The following USP46 variants were observed in gnomAD, a reference collection of about 807,000 sequenced individuals.
The protein encoded by USP46 is ubiquitin specific peptidase 46.
In USP46, 12 loss-of-function variants were observed where a neutral mutation model predicts 44.4. That is an observed-to-expected ratio of 0.27 (90% CI 0.17 to 0.44). The LOEUF is 0.44. USP46 is among the 20% of genes least tolerant of loss of function. The probability of loss-of-function intolerance (pLI) is 1.00; values close to 1 mark genes in which losing one functional copy is unlikely to be tolerated. For missense variants in USP46, 248 were observed against 444.8 expected, an observed-to-expected ratio of 0.56 and a Z score of 3.98; for synonymous variants, 155 against 161.5, an observed-to-expected ratio of 0.96 and a Z score of 0.31.
chr4:52,623,750 A>G (rs1717469795), intron 4 of USP46, among the ~76,000 whole-genome samples: 1 of 152,062 alleles, frequency 6.6e-6, no homozygotes, highest in Admixed American at 6.6e-5. Flanking sequence ...ACATGGTGAA[A>G]TCCCATCTCT....
At position 52,594,736 on chromosome 4, in the gene USP46, T is replaced by C. The variant is rs545166307; in HGVS notation, c.*2904A>G. ...AATTAAGGGTATCCATGAAAATAAA[T>C]GCATAGGGATCATTTCTGACATTTT... On this transcript the variant is annotated 3_prime_UTR_variant, in exon 9 of 9. Transcript: ENST00000441222. 6.6e-6 allele frequency: 1 copy of C among 152,290 alleles called. No homozygotes were observed. Among genetic ancestry groups the C allele is most frequent in the Admixed American group, 6.5e-5 (1 of 15,294 alleles). The allele number at this position is 152,290 out of a possible 1,614,324, so 9.4% of individuals were successfully genotyped here.
chr4:52,636,382 A>T (rs1718115334), intron 1 of USP46, among the ~76,000 whole-genome samples: 1 of 152,184 alleles, frequency 6.6e-6, no homozygotes, highest in Non-Finnish European at 1.5e-5. Flanking sequence ...TCTGACCTCC[A>T]GAACTGTAAG....
At chr4:52,648,817 ACCTTAGAGGGACCT>A (rs1433884796) in intron 1 of USP46, among the ~76,000 whole-genome samples, 1 of 152,220 alleles carries the variant, frequency 6.6e-6, no homozygotes, top group East Asian at 1.9e-4. Flanking sequence ...TGGTAGCTTA[ACCTTAGAGGGACCT>A]ACCTCTAGTT....
At chr4:52,626,308 A>G in intron 3 of USP46, 61 bp from the exon 4 acceptor site, 2 of 1,359,512 alleles carry the variant, frequency 1.5e-6, no homozygotes, top group Non-Finnish European at 2.0e-6. Flanking sequence ...GGATGTAATT[A>G]GTGTTACATG....
intron 1 of USP46, among the ~76,000 whole-genome samples, chr4:52,636,351 C>T (rs1012309448): frequency 6.6e-6 from 1 of 152,070 alleles, no homozygotes; most frequent in Non-Finnish European, 1.5e-5. Flanking sequence ...GATTTTAGCC[C>T]GGTGAGACCC....
intron 4 of USP46, among the ~76,000 whole-genome samples, chr4:52,615,392 A>T (rs1717094535): frequency 1.3e-5 from 2 of 152,340 alleles, no homozygotes; most frequent in South Asian, 4.1e-4. Context: ...AATATCAGAT[A>T]AAATAGGTTT....
At chr4:52,603,123 T>C (rs945391852) in intron 6 of USP46, among the ~76,000 whole-genome samples, 2 of 152,162 alleles carry the variant, frequency 1.3e-5, no homozygotes, top group East Asian at 3.9e-4. Flanking sequence ...AAAACAACAG[T>C]AGAGAAATAA....
chr4:52,630,451 G>C (rs999576652), intron 2 of USP46, among the ~76,000 whole-genome samples: 1 of 152,176 alleles, frequency 6.6e-6, no homozygotes, highest in Non-Finnish European at 1.5e-5. Context: ...GACACAGGCA[G>C]AACATATAAA....
chr4:52,635,921 A>G (rs1020386174), intron 1 of USP46, among the ~76,000 whole-genome samples: 3 of 152,166 alleles, frequency 2.0e-5, no homozygotes, highest in African/African-American at 7.2e-5. Context: ...GTTGAAGTTG[A>G]GTGATGGGTG....
At chr4:52,629,365 G>A (rs1303008680) in intron 2 of USP46, among the ~76,000 whole-genome samples, 1 of 152,090 alleles carries the variant, frequency 6.6e-6, no homozygotes, top group East Asian at 1.9e-4. Context: ...AATAAACACA[G>A]ATCCCACAAA....
At chr4:52,631,520 T>C (rs1200333444) in intron 1 of USP46, among the ~76,000 whole-genome samples, 3 of 152,190 alleles carry the variant, frequency 2.0e-5, no homozygotes, top group Admixed American at 6.5e-5. Flanking sequence ...ATATTACCAC[T>C]ATCAAAGTCA....
At chr4:52,638,394 G>C (rs1227033166) in intron 1 of USP46, among the ~76,000 whole-genome samples, 1 of 152,020 alleles carries the variant, frequency 6.6e-6, no homozygotes, top group South Asian at 2.1e-4. Context: ...AAGGTGTACA[G>C]CCCTGCTGCA....
chr4:52,637,243 G>A (rs1398049657), intron 1 of USP46, among the ~76,000 whole-genome samples: 1 of 152,090 alleles, frequency 6.6e-6, no homozygotes, highest in Non-Finnish European at 1.5e-5. Context: ...ACTTTTAGGT[G>A]GCTGGCTTTT....
At chr4:52,625,736 A>G (rs1717555769) in intron 4 of USP46, among the ~76,000 whole-genome samples, 1 of 152,052 alleles carries the variant, frequency 6.6e-6, no homozygotes, top group Non-Finnish European at 1.5e-5. Flanking sequence ...TTGACATCCA[A>G]TTCAATAGAT....
At chr4:52,639,791 G>C (rs1336640112) in intron 1 of USP46, among the ~76,000 whole-genome samples, 1 of 151,760 alleles carries the variant, frequency 6.6e-6, no homozygotes, top group Non-Finnish European at 1.5e-5. Context: ...CAACCTTTCA[G>C]GCTCAAGTGA....
At chr4:52,631,330 C>A (rs995496555) in intron 1 of USP46, among the ~76,000 whole-genome samples, 186 bp from the exon 2 acceptor site, 3 of 152,188 alleles carry the variant, frequency 2.0e-5, no homozygotes, top group African/African-American at 7.2e-5. Context: ...CAGCCTTATT[C>A]TTCTTCTCAT....
At chr4:52,608,257 C>A (rs1285970448) in intron 5 of USP46, among the ~76,000 whole-genome samples, 2 of 152,228 alleles carry the variant, frequency 1.3e-5, no homozygotes, top group African/African-American at 4.8e-5. Context: ...ACACAGCTAT[C>A]GTGTCCAAGT....
At chr4:52,653,246 C>T (rs1011888373) in intron 1 of USP46, among the ~76,000 whole-genome samples, 6 of 152,218 alleles carry the variant, frequency 3.9e-5, no homozygotes, top group Admixed American at 6.5e-5. Flanking sequence ...TGGTTCACAC[C>T]TATAATCCTA....
chr4:52,650,705 C>A (rs1212575382), intron 1 of USP46, among the ~76,000 whole-genome samples: 2 of 151,956 alleles, frequency 1.3e-5, no homozygotes, highest in Non-Finnish European at 2.9e-5. Flanking sequence ...TTTAAAATTT[C>A]TTTTAAAAGC....
Sources: gnomAD v4.1 joint callset for allele counts (sites outside exome capture counted in the v4.1 genomes callset) on GRCh38, gnomAD v4.1.1 for gene constraint, MANE v1.5 for transcripts, NCBI Gene and HGNC (gene_info 2026-07-23, HGNC 2026-07-21) for gene names.